Variants in SLC4A10 observed in about 807,000 individuals in gnomAD.
SLC4A10 encodes solute carrier family 4 member 10.
A neutral mutation model predicts 137.7 loss-of-function variants in SLC4A10; 42 were observed. That is an observed-to-expected ratio of 0.30 (90% CI 0.24 to 0.39). The LOEUF (loss-of-function observed/expected upper bound fraction) is 0.39. Ranked by LOEUF, SLC4A10 falls within the 10% of genes least tolerant of loss-of-function variation. The pLI, the probability that SLC4A10 is intolerant of heterozygous loss-of-function variation, is 1.00. For synonymous variants in SLC4A10, 474 were observed against 464.1 expected (o/e 1.02, Z -0.27); for missense variants, 925 against 1,355.0 (o/e 0.68, Z 4.98).
chr2:161,733,533 C>G (rs1204940115), intron 1 of SLC4A10, among the ~76,000 whole-genome samples: 1 of 152,246 alleles, frequency 6.6e-6, no homozygotes, highest in Non-Finnish European at 1.5e-5. Context: ...GGGCAGGGCT[C>G]TCATGGAGTA....
intron 2 of SLC4A10, among the ~76,000 whole-genome samples, chr2:161,775,776 A>G (rs977657361): frequency 2.0e-5 from 3 of 151,906 alleles, no homozygotes; most frequent in African/African-American, 4.8e-5. Context: ...GGCACTTTTT[A>G]AAATTTAATG....
chr2:161,873,047 T>C (rs2061237285), intron 7 of SLC4A10, among the ~76,000 whole-genome samples: 1 of 152,148 alleles, frequency 6.6e-6, no homozygotes, highest in Non-Finnish European at 1.5e-5. Flanking sequence ...CTTTGGCTAG[T>C]TTGTGTTCAA....
intron 3 of SLC4A10, among the ~76,000 whole-genome samples, chr2:161,830,346 C>T (rs1014463819): frequency 6.6e-6 from 1 of 152,050 alleles, no homozygotes; most frequent in Non-Finnish European, 1.5e-5. Flanking sequence ...TTAATCCAAA[C>T]ATTTTTACAA....
chr2:161,699,266 G>A lies in SLC4A10; in HGVS notation c.49-71707G>A, dbSNP rs112087534. ...CGATCTCCTGACCTCGTGATCTGTC[G>A]GCCTCGGCCTCCCAAAGTGCTGGGA... On this transcript the variant is annotated intron_variant, in intron 1 of 26. Coordinates refer to ENST00000446997, the MANE Select transcript of SLC4A10 (RefSeq NM_001178015.2). Among the ~76,000 whole-genome samples the A allele has an allele frequency of 2.4e-3, 370 of 152,040 alleles. 1 individual carries two copies. Among genetic ancestry groups the A allele is most frequent in the African/African-American group, 8.5e-3 (351 of 41,468 alleles).
At position 161,742,472 on chromosome 2, in the gene SLC4A10, C is replaced by T. The variant is rs533432565; in HGVS notation, c.49-28501C>T. On this transcript the variant is annotated intron_variant, in intron 1 of 26. Coordinates refer to ENST00000446997, the MANE Select transcript of SLC4A10 (RefSeq NM_001178015.2). The stretch of plus-strand genomic sequence containing the variant: ...TTTTTTTTTTTTTGAGACTGAGTCT[C>T]GCACTGTCGCCCAGGCTGGAGTGCA... Among the ~76,000 whole-genome samples the T allele has an allele frequency of 1.3e-3, 165 of 126,760 alleles. 1 individual carries two copies. Among genetic ancestry groups the T allele is most frequent in the Non-Finnish European group, 1.8e-3 (114 of 63,402 alleles). The allele number at this position is 126,760 out of a possible 152,430, so 83.2% of individuals were successfully genotyped here.
Position 161,747,803 on chromosome 2 carries a change from G to T in SLC4A10, c.49-23170G>T, listed in dbSNP as rs927590745. 2.0e-5 allele frequency among the ~76,000 whole-genome samples: 3 copies of T among 152,104 alleles called. No individual in the cohort carries two copies. In the South Asian group the frequency reaches 6.2e-4, roughly 32 times the overall value. On this transcript the variant is annotated intron_variant, in intron 1 of 26. Coordinates refer to ENST00000446997, the MANE Select transcript of SLC4A10 (RefSeq NM_001178015.2). ...GGTGTTGATTTTATTTTCTTTGAAT[G>T]TACACCTGGAAGAGGGATTGATGGA...
chr2:161,694,687 T>C (rs901828936), intron 1 of SLC4A10, among the ~76,000 whole-genome samples: 2 of 152,004 alleles, frequency 1.3e-5, no homozygotes, highest in African/African-American at 4.8e-5. Context: ...CTTTGAAGAG[T>C]TGCTAGTTGG....
chr2:161,752,799 A>T (rs944347845), intron 1 of SLC4A10, among the ~76,000 whole-genome samples: 1 of 152,196 alleles, frequency 6.6e-6, no homozygotes, highest in East Asian at 1.9e-4. Flanking sequence ...ACTGGTGGTT[A>T]CCAGAAACAG....
At chr2:161,771,448 G>A (rs1478862259) in intron 2 of SLC4A10, among the ~76,000 whole-genome samples, 1 of 151,788 alleles carries the variant, frequency 6.6e-6, no homozygotes, top group African/African-American at 2.4e-5. Context: ...GTTGTCAGAG[G>A]TATAGTCACC....
rs2057222749 is a variant in SLC4A10 at position 161,817,675 on chromosome 2, T to A, written c.277+13080T>A. ...TTTTGTATATGGTGTAAGGAAGGGA[T>A]CCAGTTTCAGCTTTCTACCTATGGC... On this transcript the variant is annotated intron_variant, in intron 3 of 26. Coordinates refer to ENST00000446997, the MANE Select transcript of SLC4A10 (RefSeq NM_001178015.2). 2.0e-5 allele frequency among the ~76,000 whole-genome samples: 3 copies of A among 152,306 alleles called. No homozygotes were observed. In the South Asian group the frequency reaches 6.2e-4, roughly 32 times the overall value.
At chr2:161,878,323 C>T (rs2061558336) in intron 8 of SLC4A10, among the ~76,000 whole-genome samples, 2 of 152,158 alleles carry the variant, frequency 1.3e-5, no homozygotes, top group African/African-American at 2.4e-5. Flanking sequence ...GTACAATTTA[C>T]ATTAAAGTCA....
intron 18 of SLC4A10, 119 bp downstream of exon 18, chr2:161,949,380 C>A: frequency 1.6e-6 from 1 of 607,994 alleles, no homozygotes; most frequent in South Asian, 2.5e-5. Context: ...ATTAGAAGAC[C>A]AGTAAATGAA....
chr2:161,933,990 G>A (rs1332722965), intron 15 of SLC4A10, among the ~76,000 whole-genome samples: 1 of 151,980 alleles, frequency 6.6e-6, no homozygotes, highest in Non-Finnish European at 1.5e-5. Flanking sequence ...CACTTGTTCA[G>A]ACACTTTCAT....
At chr2:161,922,752 T>C (rs1484532149) in intron 15 of SLC4A10, among the ~76,000 whole-genome samples, 1 of 152,190 alleles carries the variant, frequency 6.6e-6, no homozygotes, top group African/African-American at 2.4e-5. Context: ...TTTATTATCA[T>C]TGCAATTAAA....
At chr2:161,981,996 C>A (rs1700282981) in intron 26 of SLC4A10, among the ~76,000 whole-genome samples, 1 of 152,206 alleles carries the variant, frequency 6.6e-6, no homozygotes, top group South Asian at 2.1e-4. Context: ...TTAAAAAACA[C>A]ACTCTTAGAA....
intron 3 of SLC4A10, among the ~76,000 whole-genome samples, chr2:161,836,350 T>C (rs2058763653): frequency 6.6e-6 from 1 of 151,488 alleles, no homozygotes; most frequent in East Asian, 1.9e-4. Context: ...ATACAAAAAT[T>C]AGCTGGGTGT....
intron 1 of SLC4A10, among the ~76,000 whole-genome samples, chr2:161,701,501 G>A (rs1003922763): frequency 6.6e-6 from 1 of 151,862 alleles, no homozygotes; most frequent in African/African-American, 2.4e-5. Context: ...TTTGATCCAA[G>A]CATTCAACTG....
chr2:161,668,030 A>G (rs1408209995), intron 1 of SLC4A10, among the ~76,000 whole-genome samples: 1 of 151,848 alleles, frequency 6.6e-6, no homozygotes, highest in Non-Finnish European at 1.5e-5. Context: ...TTATCATTAT[A>G]CATAGCAGCA....
At chr2:161,926,885 C>T (rs1689244446) in intron 15 of SLC4A10, among the ~76,000 whole-genome samples, 1 of 151,486 alleles carries the variant, frequency 6.6e-6, no homozygotes, top group Non-Finnish European at 1.5e-5. Context: ...TGAATATTGG[C>T]CCCCACTCTC....
Sources: allele counts gnomAD v4.1 joint callset (sites outside exome capture counted in the v4.1 genomes callset), GRCh38; gene constraint gnomAD v4.1.1; transcripts MANE v1.5; gene names NCBI Gene and HGNC (gene_info 2026-07-23, HGNC 2026-07-21).